ATIC: variants seen among roughly 807,000 people sequenced by gnomAD.
The protein encoded by ATIC is bifunctional purine biosynthesis protein ATIC.
In ATIC, 64 loss-of-function variants were observed where a neutral mutation model predicts 72.5. The observed-to-expected ratio is 0.88, with a 90% CI of 0.72 to 1.09. The LOEUF (loss-of-function observed/expected upper bound fraction) is 1.09, where lower values mean the gene tolerates loss of function less well. ATIC is among the 50% of genes least tolerant of loss of function. ATIC has a pLI of 0.00. For synonymous variants in ATIC, 281 were observed against 267.1 expected, an observed-to-expected ratio of 1.05 and a Z score of -0.51; for missense variants, 787 against 732.4, an observed-to-expected ratio of 1.07 and a Z score of -0.86.
At chr2:215,338,618 C>T (rs1328455505) in intron 11 of ATIC, 161 bp from the exon 12 acceptor site, 1 of 651,924 alleles carries the variant, frequency 1.5e-6, no homozygotes, top group Non-Finnish European at 2.5e-6. Flanking sequence ...TGATTTAACA[C>T]ATCATTTGTT....
At chr2:215,341,562 C>CT (rs2053018945) in intron 12 of ATIC, among the ~76,000 whole-genome samples, 1 of 152,148 alleles carries the variant, frequency 6.6e-6, no homozygotes, top group Non-Finnish European at 1.5e-5. Context: ...TTTTACCCGT[C>CT]TTTTTAAGTG....
chr2:215,317,494 G>T (rs1354210818), intron 2 of ATIC, among the ~76,000 whole-genome samples: 48 of 152,058 alleles, frequency 3.2e-4, no homozygotes, highest in African/African-American at 1.1e-3. Flanking sequence ...TGTTGTTGTT[G>T]TTGTTTTTTG....
intron 4 of ATIC, 96 bp downstream of exon 4, chr2:215,319,827 C>G: frequency 1.0e-6 from 1 of 991,902 alleles, no homozygotes; most frequent in South Asian, 1.4e-5. Context: ...CACTATAAAC[C>G]TTTACTGCGT....
At chr2:215,336,913 G>A (rs2052961962) in intron 11 of ATIC, among the ~76,000 whole-genome samples, 1 of 152,170 alleles carries the variant, frequency 6.6e-6, no homozygotes, top group South Asian at 2.1e-4. Flanking sequence ...ACTTTTGTCA[G>A]CATTGTGGTT....
At chr2:215,333,499 A>T (rs1027576293) in intron 9 of ATIC, 42 bp downstream of exon 9, 3 of 1,523,852 alleles carry the variant, frequency 2.0e-6, no homozygotes, top group Non-Finnish European at 2.7e-6. Flanking sequence ...AGAAAGAAAA[A>T]GCAATATTTT....
intron 2 of ATIC, among the ~76,000 whole-genome samples, chr2:215,315,470 C>T (rs896540950): frequency 6.6e-6 from 1 of 152,170 alleles, no homozygotes; most frequent in African/African-American, 2.4e-5. Flanking sequence ...AATCCTTCCA[C>T]CTCAGCCTCC....
At chr2:215,322,866 T>C (rs1376637475) in intron 4 of ATIC, among the ~76,000 whole-genome samples, 1 of 152,186 alleles carries the variant, frequency 6.6e-6, no homozygotes, top group Non-Finnish European at 1.5e-5. Flanking sequence ...ACTATTACTA[T>C]AGGCTGGTAA....
At chr2:215,315,916 C>T (rs991361544) in intron 2 of ATIC, among the ~76,000 whole-genome samples, 1 of 151,378 alleles carries the variant, frequency 6.6e-6, no homozygotes. Flanking sequence ...GATTCCACCA[C>T]TACACTCCAG....
chr2:215,327,363 A>G (rs1180716958), intron 7 of ATIC, among the ~76,000 whole-genome samples: 1 of 152,222 alleles, frequency 6.6e-6, no homozygotes, highest in African/African-American at 2.4e-5. Context: ...TTTAGAATGC[A>G]TTTGAGAACA....
chr2:215,346,282 C>A (rs910773394), intron 13 of ATIC, among the ~76,000 whole-genome samples: 23 of 152,118 alleles, frequency 1.5e-4, no homozygotes, highest in African/African-American at 5.6e-4. Flanking sequence ...CCACTTCAGC[C>A]TCCTGAGTAG....
the ATIC span, among the ~76,000 whole-genome samples, chr2:215,359,638 A>G: frequency 6.6e-6 from 1 of 152,202 alleles, no homozygotes; most frequent in Non-Finnish European, 1.5e-5. Flanking sequence ...TCTGAGCTTC[A>G]TGCCCTGTAA....
intron 7 of ATIC, among the ~76,000 whole-genome samples, chr2:215,330,923 A>G (rs184056475): frequency 2.0e-5 from 3 of 152,230 alleles, no homozygotes; most frequent in Admixed American, 2.0e-4. Context: ...AGGCACTTTC[A>G]GTTAACAACA....
At chr2:215,357,721 C>T in the ATIC span, among the ~76,000 whole-genome samples, 1 of 152,160 alleles carries the variant, frequency 6.6e-6, no homozygotes, top group Non-Finnish European at 1.5e-5. Flanking sequence ...ATGAAAACAA[C>T]GTGCATTTCA....
Position 215,333,431 on chromosome 2 carries a change from TC to T in ATIC, c.897del (p.Ser300GlnfsTer42). 1 of 1,614,022 alleles carries T rather than the reference TC, an allele frequency of 6.2e-7. No homozygotes were observed. The highest frequency in any genetic ancestry group is 1.1e-5 in the South Asian group (1 of 91,084). ...VYDLYKTLTP[I>X]SAAYARARGA... ...GATCTCTATAAAACCCTCACACCCA[TC>T]TCAGCGGCATATGCAAGAGCAAGAG... On this transcript the variant is annotated frameshift_variant, in exon 9 of 16. Transcript: ENST00000236959. LOFTEE classifies it high-confidence loss of function.
Position 215,346,863 on chromosome 2 carries a change from G to C in ATIC, c.1425G>C (p.Ser475=), listed in dbSNP as rs779889028. 1.2e-6 allele frequency: 2 copies of C among 1,614,046 alleles called. No homozygotes were observed. The highest frequency in any genetic ancestry group is 1.7e-6 in the Non-Finnish European group (2 of 1,180,044). ...TTAGACACCATCCACAAGTGCTTTC[G>C]ATGAAGTTTAAAACAGGAGTGAAGA... The part of the protein sequence containing the change: ...WWLRHHPQVL[S]MKFKTGVKRA... Residue 475 remains serine, a synonymous_variant, in exon 14 of 16, where the codon TCG becomes TCC. Coordinates refer to ENST00000236959, the MANE Select transcript of ATIC (RefSeq NM_004044.7).
rs372681460 is a variant in ATIC at position 215,345,972 on chromosome 2, C to T, written c.1321-787C>T. Among the ~76,000 whole-genome samples the T allele has an allele frequency of 2.6e-5, 4 of 152,220 alleles. No homozygotes were observed. The East Asian group carries it at 7.7e-4, about 29-fold the overall frequency. On this transcript the variant is annotated intron_variant, in intron 13 of 15. Transcript: ENST00000236959. Reference sequence around the variant, plus strand: ...TAAGTCCTTGTTGCTTAGAATTCAACCCATAGAAATAGAGGAAAGAAGGAA... The same window carrying T: ...TAAGTCCTTGTTGCTTAGAATTCAATCCATAGAAATAGAGGAAAGAAGGAA...
At chr2:215,348,956 A>C in intron 14 of ATIC, 138 bp from the exon 15 acceptor site, 1 of 350,814 alleles carries the variant, frequency 2.9e-6, no homozygotes, top group Non-Finnish European at 4.6e-6. Flanking sequence ...AACTCCGTCT[A>C]AAAAAAAAAA....
chr2:215,362,983 G>A, the ATIC span: 1 of 152,144 alleles, frequency 6.6e-6, no homozygotes, highest in African/African-American at 2.4e-5. Context: ...GCTTGAGTTG[G>A]ACTTTTTTCT....
chr2:215,324,627 C>T (rs1366911395), intron 4 of ATIC, among the ~76,000 whole-genome samples: 1 of 152,042 alleles, frequency 6.6e-6, no homozygotes, highest in African/African-American at 2.4e-5. Flanking sequence ...TGGAGCCTGC[C>T]CGTAGAGCTC....
Sources: allele counts gnomAD v4.1 joint callset (sites outside exome capture counted in the v4.1 genomes callset), GRCh38; gene constraint gnomAD v4.1.1; transcripts MANE v1.5; gene names NCBI Gene and HGNC (gene_info 2026-07-23, HGNC 2026-07-21).